Variants in ZMYND8 observed in about 807,000 individuals in gnomAD.
The protein encoded by ZMYND8 is zinc finger MYND-type containing 8.
ZMYND8 carries 37 observed loss-of-function variants against 140.8 expected under a neutral mutation model. The ratio of observed to expected loss-of-function variants is 0.26; its 90% CI spans 0.20 to 0.35. The LOEUF (loss-of-function observed/expected upper bound fraction) is 0.35, where lower values mean the gene tolerates loss of function less well. Among genes scored for constraint, ZMYND8 ranks in the 10% least tolerant of loss-of-function variants. The pLI is 1.00. For synonymous variants in ZMYND8, 592 were observed against 597.1 expected (o/e 0.99, Z 0.12); for missense variants, 1,068 against 1,570.0 (o/e 0.68, Z 5.40).
chr20:47,339,758 G>A (rs1013223196), intron 2 of ZMYND8, among the ~76,000 whole-genome samples: 8 of 152,150 alleles, frequency 5.3e-5, no homozygotes, highest in African/African-American at 1.9e-4. Flanking sequence ...TCACAGGCGT[G>A]AGTGAGGCAC....
intron 2 of ZMYND8, among the ~76,000 whole-genome samples, chr20:47,328,941 G>A (rs1410066394): frequency 1.3e-5 from 2 of 152,164 alleles, no homozygotes; most frequent in Non-Finnish European, 1.5e-5. Flanking sequence ...AGGGAGGACC[G>A]CCCAGCTCCC....
chr20:47,347,881 G>A lies in ZMYND8; in HGVS notation c.60C>T (p.Gly20=). ...CTTTGGAGCGAGTAGAGATATCCAT[G>A]CCCTCTACCACCTCCTGTTCTGTTT... ...EIKTEQEVVE[G]MDISTRSKDP... is the part of the protein sequence containing the mutation. The change falls in exon 2 of 23, where the codon GGC becomes GGT. Residue 20 remains glycine (G), a synonymous_variant. Transcript: ENST00000471951. The A allele has an allele frequency of 1.2e-6, 2 of 1,613,898 alleles. No homozygotes were observed. The highest frequency in any genetic ancestry group is 1.7e-6 in the Non-Finnish European group (2 of 1,180,004).
chr20:47,224,665 G>A, intron 18 of ZMYND8, 109 bp from the exon 19 acceptor site: 1 of 1,551,556 alleles, frequency 6.4e-7, no homozygotes, highest in Non-Finnish European at 8.7e-7. Flanking sequence ...CTGGCTGGGA[G>A]AAGCCCTGGC....
intron 2 of ZMYND8, among the ~76,000 whole-genome samples, chr20:47,322,987 A>G (rs1317117306): frequency 1.3e-5 from 2 of 152,188 alleles, no homozygotes; most frequent in African/African-American, 2.4e-5. Flanking sequence ...GTCTGAATCC[A>G]GGTGCTGGCA....
chr20:47,302,674 C>G (rs748664718), intron 3 of ZMYND8, among the ~76,000 whole-genome samples: 5 of 152,132 alleles, frequency 3.3e-5, no homozygotes, highest in Non-Finnish European at 7.3e-5. Flanking sequence ...AGCAAAGACT[C>G]AAACCTGGGT....
chr20:47,289,966 T>C (rs1601630394), intron 7 of ZMYND8, among the ~76,000 whole-genome samples: 1 of 152,202 alleles, frequency 6.6e-6, no homozygotes, highest in South Asian at 2.1e-4. Context: ...TTTGTAGAAA[T>C]AACACTAAAA....
chr20:47,274,121 C>G (rs902681177), intron 11 of ZMYND8, among the ~76,000 whole-genome samples: 2 of 152,190 alleles, frequency 1.3e-5, no homozygotes, highest in Non-Finnish European at 2.9e-5. Context: ...TCCTTTTGTA[C>G]CTCCCAAGGG....
At chr20:47,237,169 G>GTC (rs1555894967) in intron 15 of ZMYND8, 1 of 143,332 alleles carries the variant, frequency 7.0e-6, no homozygotes, top group Non-Finnish European at 1.5e-5. Context: ...TTTTTTGACA[G>GTC]TCTCACTCTG....
intron 2 of ZMYND8, among the ~76,000 whole-genome samples, chr20:47,325,280 G>A (rs1569202658): frequency 1.3e-5 from 2 of 152,186 alleles, no homozygotes; most frequent in Non-Finnish European, 2.9e-5. Context: ...CCTCCAGAGT[G>A]TGAGCTCAAT....
intron 11 of ZMYND8, among the ~76,000 whole-genome samples, chr20:47,271,894 G>A (rs1388559809): frequency 1.3e-5 from 2 of 151,984 alleles, no homozygotes; most frequent in Non-Finnish European, 2.9e-5. Context: ...TGTTGGCCAG[G>A]CTGGTCTCAA....
intron 2 of ZMYND8, among the ~76,000 whole-genome samples, chr20:47,311,232 C>T (rs1234092207): frequency 6.6e-6 from 1 of 152,208 alleles, no homozygotes; most frequent in African/African-American, 2.4e-5. Flanking sequence ...AAGATCAATA[C>T]AAATTACATC....
chr20:47,230,213 C>T (rs931007215), intron 16 of ZMYND8, among the ~76,000 whole-genome samples: 2 of 152,056 alleles, frequency 1.3e-5, no homozygotes, highest in African/African-American at 2.4e-5. Context: ...TCCATACCCA[C>T]ATAAAGCTAG....
At chr20:47,306,817 TG>T (rs1232726827) in intron 3 of ZMYND8, among the ~76,000 whole-genome samples, 2 of 152,068 alleles carry the variant, frequency 1.3e-5, no homozygotes, top group African/African-American at 2.4e-5. Context: ...AAGACGACAG[TG>T]GAGAATCTTC....
intron 10 of ZMYND8, among the ~76,000 whole-genome samples, chr20:47,281,708 G>A (rs2076617265): frequency 6.6e-6 from 1 of 152,156 alleles, no homozygotes; most frequent in African/African-American, 2.4e-5. Flanking sequence ...TCATTTACTG[G>A]CAATCTAGGA....
chr20:47,294,142 G>C (rs1319044461), intron 5 of ZMYND8, among the ~76,000 whole-genome samples: 1 of 151,810 alleles, frequency 6.6e-6, no homozygotes, highest in Non-Finnish European at 1.5e-5. Flanking sequence ...GAGGTCAGGA[G>C]TTTGAGACCA....
At chr20:47,336,002 C>T (rs1602047901) in intron 2 of ZMYND8, among the ~76,000 whole-genome samples, 1 of 152,264 alleles carries the variant, frequency 6.6e-6, no homozygotes, top group East Asian at 1.9e-4. Context: ...AGCCAAAATA[C>T]GGTTAAAAAT....
chr20:47,314,904 T>C (rs896703132), intron 2 of ZMYND8, among the ~76,000 whole-genome samples: 4 of 152,158 alleles, frequency 2.6e-5, no homozygotes, highest in Admixed American at 2.0e-4. Flanking sequence ...GGGACTAGAC[T>C]AGAAGTTCTT....
At chr20:47,253,690 A>G (rs1039333925) in intron 12 of ZMYND8, among the ~76,000 whole-genome samples, 3 of 152,116 alleles carry the variant, frequency 2.0e-5, no homozygotes, top group African/African-American at 7.2e-5. Flanking sequence ...TAACAGGACA[A>G]CCTTTCTAAA....
At chr20:47,234,193 C>T (rs1262141507) in intron 16 of ZMYND8, among the ~76,000 whole-genome samples, 4 of 152,186 alleles carry the variant, frequency 2.6e-5, no homozygotes, top group South Asian at 2.1e-4. Context: ...GGACTACAGG[C>T]GCATGCCATC....
Sources: gnomAD v4.1 joint callset for allele counts (sites outside exome capture counted in the v4.1 genomes callset) on GRCh38, gnomAD v4.1.1 for gene constraint, MANE v1.5 for transcripts, NCBI Gene and HGNC (gene_info 2026-07-23, HGNC 2026-07-21) for gene names.